DAPK1: variants seen among roughly 807,000 people sequenced by gnomAD.
DAPK1 encodes death associated protein kinase 1, also known as death-associated protein kinase 1.
DAPK1 carries 56 observed loss-of-function variants against 144.9 expected under a neutral mutation model. The ratio of observed to expected loss-of-function variants is 0.39; its 90% CI spans 0.31 to 0.48. DAPK1 has a LOEUF of 0.48. Among genes scored for constraint, DAPK1 ranks in the 20% least tolerant of loss-of-function variants. The pLI, the probability that DAPK1 is intolerant of heterozygous loss-of-function variation, is 0.95. For missense variants in DAPK1, 1,454 were observed against 1,875.4 expected (o/e 0.78, Z 4.15); for synonymous variants, 690 against 749.0 (o/e 0.92, Z 1.29).
At chr9:87,692,445 T>C (rs1825093397) in intron 21 of DAPK1, among the ~76,000 whole-genome samples, 1 of 152,176 alleles carries the variant, frequency 6.6e-6, no homozygotes, top group Non-Finnish European at 1.5e-5. Context: ...CTGTATCTTT[T>C]AGGTGGAAAA....
At chr9:87,552,995 C>G (rs1826554287) in intron 2 of DAPK1, among the ~76,000 whole-genome samples, 1 of 152,162 alleles carries the variant, frequency 6.6e-6, no homozygotes, top group Non-Finnish European at 1.5e-5. Context: ...ATCTCCAGAA[C>G]TTTTTCGTCA....
chr9:87,543,411 CTA>C (rs1826125613), intron 2 of DAPK1, among the ~76,000 whole-genome samples: 2 of 152,132 alleles, frequency 1.3e-5, no homozygotes, highest in African/African-American at 4.8e-5. Context: ...TTGAATATGA[CTA>C]TGAATCATTT....
In DAPK1 at chr9:87,594,838, G is replaced by A. The variant is rs77062856; in HGVS notation, c.63-10116G>A. On this transcript the variant is annotated intron_variant, in intron 2 of 25. Coordinates refer to ENST00000408954, the MANE Select transcript of DAPK1 (RefSeq NM_004938.4). ...CCCTTTCACCAGTAGCCAGAAGGAGGCAGAAGGAGCACCAGGCCTGAGGAG... is the reference window on the plus strand; with the variant it reads ...CCCTTTCACCAGTAGCCAGAAGGAGACAGAAGGAGCACCAGGCCTGAGGAG... Among the ~76,000 whole-genome samples the A allele has an allele frequency of 7.9e-5, 12 of 152,342 alleles. No individual in the cohort carries two copies. In the East Asian group the frequency reaches 2.1e-3, roughly 27 times the overall value.
intron 11 of DAPK1, among the ~76,000 whole-genome samples, chr9:87,644,587 A>AAG (rs971641579): frequency 7.9e-5 from 12 of 152,266 alleles, no homozygotes; most frequent in Admixed American, 6.5e-4. Context: ...GAAGAGAGAG[A>AAG]AGAGGAGGCT....
chr9:87,516,354 C>T (rs1195345989), intron 2 of DAPK1, among the ~76,000 whole-genome samples: 1 of 152,156 alleles, frequency 6.6e-6, no homozygotes, highest in Non-Finnish European at 1.5e-5. Flanking sequence ...CCCGTTCTCC[C>T]TGGGGTTAAG....
At position 87,686,659 on chromosome 9, in the gene DAPK1, T is replaced by A. The variant is rs1378344475; in HGVS notation, c.2333T>A (p.Val778Glu). The A allele has an allele frequency of 6.2e-7, 1 of 1,612,712 alleles. No homozygotes were observed. Among genetic ancestry groups the A allele is most frequent in the East Asian group, 2.2e-5 (1 of 44,864 alleles). ...GLTKGMLEVF[V>E]APTHHPHCSA... Reference sequence around the variant, plus strand: ...ACCAAAGGGATGCTGGAGGTGTTTGTGGCCCCGACCCACCACCCGCACTGC... The same window carrying A: ...ACCAAAGGGATGCTGGAGGTGTTTGAGGCCCCGACCCACCACCCGCACTGC... The change falls in exon 21 of 26, where the codon GTG (valine) becomes GAG (glutamate). Residue 778 changes from valine (V) to glutamate (E), a missense_variant. Coordinates refer to ENST00000408954, the MANE Select transcript of DAPK1 (RefSeq NM_004938.4). This position sits in a 1 kb window ranked among gnomAD's most constrained non-coding sequence, Gnocchi z 4.2.
intron 2 of DAPK1, among the ~76,000 whole-genome samples, chr9:87,555,533 C>T (rs1167946439): frequency 2.7e-5 from 4 of 149,284 alleles, no homozygotes; most frequent in African/African-American, 2.5e-5. Context: ...GATGGAGTTT[C>T]GCTCTTGTTA....
At chr9:87,642,200 C>G in intron 10 of DAPK1, 142 bp downstream of exon 10, 1 of 546,280 alleles carries the variant, frequency 1.8e-6, no homozygotes, top group Non-Finnish European at 3.1e-6. Context: ...GTGTTCTGCA[C>G]CATTACTCTA....
In DAPK1 at chr9:87,698,714, C is replaced by G; in HGVS notation, c.2670C>G (p.Asp890Glu). ...LQVVLVATHA[D>E]IMNVPRPAGG... ...TTGTCCTGGTGGCCACCCACGCTGACATCATGAATGTTCCTCGACCGGCTG... is the reference window on the plus strand; with the variant it reads ...TTGTCCTGGTGGCCACCCACGCTGAGATCATGAATGTTCCTCGACCGGCTG... Residue 890 changes from aspartate to glutamate, a missense_variant, in exon 23 of 26, where the codon GAC (aspartate) becomes GAG (glutamate). Transcript: ENST00000408954. 6.3e-7 allele frequency: 1 copy of G among 1,596,764 alleles called. No individual in the cohort carries two copies. The highest frequency in any genetic ancestry group is 1.1e-5 in the South Asian group (1 of 90,760).
At chr9:87,522,466 T>C (rs1825333329) in intron 2 of DAPK1, among the ~76,000 whole-genome samples, 1 of 152,230 alleles carries the variant, frequency 6.6e-6, no homozygotes. Flanking sequence ...CCTCATAGCA[T>C]AACTTGAAAA....
chr9:87,643,528 AG>A, intron 11 of DAPK1, 60 bp downstream of exon 11: 1 of 1,117,744 alleles, frequency 8.9e-7, no homozygotes, highest in Non-Finnish European at 1.3e-6. Context: ...AGAATGACCA[AG>A]CTGTTCTATT....
intron 19 of DAPK1, among the ~76,000 whole-genome samples, chr9:87,671,504 T>TC (rs970482374): frequency 1.6e-5 from 2 of 125,240 alleles, no homozygotes; most frequent in Non-Finnish European, 3.6e-5. Flanking sequence ...ACCTTTTTTT[T>TC]CTTTGTTTTT....
intron 18 of DAPK1, among the ~76,000 whole-genome samples, chr9:87,667,395 T>C (rs1347728943): frequency 6.6e-6 from 1 of 152,206 alleles, no homozygotes; most frequent in African/African-American, 2.4e-5. Context: ...CAATTGCCAA[T>C]GCCTATTTGG....
At chr9:87,592,313 C>T (rs1227109995) in intron 2 of DAPK1, among the ~76,000 whole-genome samples, 2 of 152,188 alleles carry the variant, frequency 1.3e-5, no homozygotes, top group Non-Finnish European at 2.9e-5. Flanking sequence ...TCCTTCTCGC[C>T]CACTAGTGGA....
At chr9:87,546,313 A>G (rs557578814) in intron 2 of DAPK1, among the ~76,000 whole-genome samples, 1 of 152,226 alleles carries the variant, frequency 6.6e-6, no homozygotes, top group East Asian at 1.9e-4. Context: ...CGAGAGCAAG[A>G]GCCTCTACTG....
intron 14 of DAPK1, 106 bp from the exon 15 acceptor site, chr9:87,648,675 G>A: frequency 9.9e-7 from 1 of 1,013,976 alleles, no homozygotes; most frequent in Non-Finnish European, 1.5e-6. Flanking sequence ...TGGAACCAAA[G>A]GGGACAGAGT....
intron 13 of DAPK1, 84 bp downstream of exon 13, chr9:87,646,643 T>A (rs1432721814): frequency 2.0e-5 from 21 of 1,026,780 alleles, no homozygotes; most frequent in Non-Finnish European, 2.8e-5. Flanking sequence ...AGGAAAAAAA[T>A]TTATGTCCTA....
intron 16 of DAPK1, 43 bp downstream of exon 16, chr9:87,650,161 A>T (rs981912113): frequency 1.3e-6 from 2 of 1,596,252 alleles, no homozygotes; most frequent in Middle Eastern, 1.7e-4. Context: ...GAAGTGATCT[A>T]GGGGTCTAGA....
intron 2 of DAPK1, among the ~76,000 whole-genome samples, chr9:87,563,549 CAT>C (rs541125984): frequency 4.5e-4 from 68 of 152,308 alleles, no homozygotes; most frequent in African/African-American, 1.4e-3. Flanking sequence ...TGCAGAGAGA[CAT>C]GTGTGATGTC....
Sources: allele counts gnomAD v4.1 joint callset (sites outside exome capture counted in the v4.1 genomes callset), GRCh38; gene constraint gnomAD v4.1.1; non-coding constraint Gnocchi (gnomAD v3.1); transcripts MANE v1.5; gene names NCBI Gene and HGNC (gene_info 2026-07-23, HGNC 2026-07-21).